Variants in LHFPL3 observed in about 807,000 individuals in gnomAD.
The protein encoded by LHFPL3 is LHFPL tetraspan subfamily member 3.
LHFPL3 carries 5 observed loss-of-function variants against 19.3 expected under a neutral mutation model. The observed-to-expected ratio is 0.26, with a 90% CI of 0.14 to 0.54. The LOEUF is 0.54. Ranked by LOEUF, LHFPL3 falls within the 20% of genes least tolerant of loss-of-function variation. The pLI, the probability that LHFPL3 is intolerant of heterozygous loss-of-function variation, is 0.94. For synonymous variants in LHFPL3, 133 were observed against 126.2 expected (o/e 1.05, Z -0.36); for missense variants, 249 against 307.4 (o/e 0.81, Z 1.42).
chr7:104,682,356 A>G (rs936508718), intron 1 of LHFPL3, among the ~76,000 whole-genome samples: 6 of 152,210 alleles, frequency 3.9e-5, no homozygotes, highest in African/African-American at 1.4e-4. Flanking sequence ...GCAGAATCTC[A>G]GGCCCCACCC....
At chr7:104,462,680 G>A (rs1443615035) in intron 1 of LHFPL3, among the ~76,000 whole-genome samples, 1 of 152,152 alleles carries the variant, frequency 6.6e-6, no homozygotes, top group African/African-American at 2.4e-5. Context: ...GTTCATCAAG[G>A]ATATTGGCCT....
intron 2 of LHFPL3, among the ~76,000 whole-genome samples, chr7:104,843,738 G>C (rs890596929): frequency 2.0e-5 from 3 of 152,160 alleles, no homozygotes; most frequent in African/African-American, 7.2e-5. Flanking sequence ...CCAAAAGAGA[G>C]AAGTAAGAAG....
At chr7:104,438,889 A>G (rs1457407169) in intron 1 of LHFPL3, among the ~76,000 whole-genome samples, 1 of 152,162 alleles carries the variant, frequency 6.6e-6, no homozygotes, top group Non-Finnish European at 1.5e-5. Context: ...TACTACCAAC[A>G]TCACAAAGAA....
intron 1 of LHFPL3, among the ~76,000 whole-genome samples, chr7:104,577,947 G>A (rs1478545037): frequency 6.6e-6 from 1 of 152,132 alleles, no homozygotes. Context: ...ATTTGGATCT[G>A]TTTCTCCACG....
At chr7:104,486,896 C>T (rs1167223548) in intron 1 of LHFPL3, among the ~76,000 whole-genome samples, 5 of 151,960 alleles carry the variant, frequency 3.3e-5, no homozygotes, top group Admixed American at 3.3e-4. Context: ...GAATTTTCCA[C>T]TTTTCTTATT....
intron 1 of LHFPL3, among the ~76,000 whole-genome samples, chr7:104,532,874 A>C (rs73407689): frequency 0.016 from 2,438 of 152,314 alleles, 57 homozygotes; most frequent in African/African-American, 0.056. Flanking sequence ...AGGATCTGCA[A>C]ATCTTATGAG....
intron 1 of LHFPL3, among the ~76,000 whole-genome samples, chr7:104,610,277 C>T (rs1791187533): frequency 6.6e-6 from 1 of 151,950 alleles, no homozygotes. Flanking sequence ...AAAGCAAGGC[C>T]AACCCTTCTT....
intron 1 of LHFPL3, among the ~76,000 whole-genome samples, chr7:104,389,315 G>T (rs1052740059): frequency 6.6e-6 from 1 of 152,056 alleles, no homozygotes; most frequent in Non-Finnish European, 1.5e-5. Context: ...TACATTCAAT[G>T]AAAAGTACAC....
chr7:104,799,928 C>T (rs1215912877), intron 2 of LHFPL3: 1 of 152,936 alleles, frequency 6.5e-6, no homozygotes, highest in Non-Finnish European at 1.5e-5. Flanking sequence ...TCTTCCTACT[C>T]CACAATTATG....
At chr7:104,788,495 C>T (rs1315245606) in intron 2 of LHFPL3, among the ~76,000 whole-genome samples, 1 of 152,204 alleles carries the variant, frequency 6.6e-6, no homozygotes, top group African/African-American at 2.4e-5. Flanking sequence ...TTTGCCCTCA[C>T]ACTGTTGGAA....
chr7:104,746,435 A>G (rs1274636065), intron 2 of LHFPL3, among the ~76,000 whole-genome samples: 3 of 152,206 alleles, frequency 2.0e-5, no homozygotes, highest in Admixed American at 1.3e-4. Flanking sequence ...TTGAGGACCA[A>G]TGAAGTCACT....
intron 2 of LHFPL3, among the ~76,000 whole-genome samples, chr7:104,821,220 G>C (rs528636691): frequency 3.0e-4 from 46 of 152,342 alleles, no homozygotes; most frequent in African/African-American, 1.1e-3. Context: ...AAGTGTCTAT[G>C]AGTGGCGAGG....
chr7:104,617,485 T>C (rs1791368612), intron 1 of LHFPL3, among the ~76,000 whole-genome samples: 1 of 152,226 alleles, frequency 6.6e-6, no homozygotes, highest in Admixed American at 6.5e-5. Context: ...GATAGTGGCA[T>C]CTTACATTAT....
At chr7:104,813,024 G>C (rs1158627749) in intron 2 of LHFPL3, among the ~76,000 whole-genome samples, 1 of 152,044 alleles carries the variant, frequency 6.6e-6, no homozygotes, top group Non-Finnish European at 1.5e-5. Flanking sequence ...TGAGGCAGGA[G>C]AATTGCTTGA....
chr7:104,486,434 C>T (rs1463000487), intron 1 of LHFPL3, among the ~76,000 whole-genome samples: 1 of 152,058 alleles, frequency 6.6e-6, no homozygotes, highest in African/African-American at 2.4e-5. Flanking sequence ...GCTGGGAAAC[C>T]CAGGATCAGA....
intron 1 of LHFPL3, among the ~76,000 whole-genome samples, chr7:104,508,213 T>G (rs956179938): frequency 6.6e-6 from 1 of 152,082 alleles, no homozygotes; most frequent in East Asian, 1.9e-4. Flanking sequence ...CCAACCCAAA[T>G]GTCCAACAAT....
In LHFPL3 at chr7:104,415,916, C is replaced by T. The variant is rs13437875; in HGVS notation, c.445+86692C>T. 8.8e-3 allele frequency among the ~76,000 whole-genome samples: 1,347 copies of T among 152,272 alleles called. 21 individuals are homozygous for T. Among genetic ancestry groups the T allele is most frequent in the African/African-American group, 0.031 (1,269 of 41,544 alleles). ...ACGTCTCACTGCTGCCACCAAGCAG[C>T]AGACATTGCAGCTTGCACTGGACTG... On this transcript the variant is annotated intron_variant, in intron 1 of 2. Coordinates refer to ENST00000424859, the MANE Select transcript of LHFPL3 (RefSeq NM_199000.3).
intron 1 of LHFPL3, among the ~76,000 whole-genome samples, chr7:104,364,372 T>A (rs1790445175): frequency 6.6e-6 from 1 of 152,148 alleles, no homozygotes; most frequent in Non-Finnish European, 1.5e-5. Flanking sequence ...CTAGAGTAAA[T>A]GTAAAAGAAA....
At chr7:104,508,194 C>T (rs1472474442) in intron 1 of LHFPL3, among the ~76,000 whole-genome samples, 1 of 152,018 alleles carries the variant, frequency 6.6e-6, no homozygotes, top group Non-Finnish European at 1.5e-5. Context: ...CGATCGCAAA[C>T]ACTTGGAACC....
Sources: allele counts gnomAD v4.1 joint callset (sites outside exome capture counted in the v4.1 genomes callset), GRCh38; gene constraint gnomAD v4.1.1; transcripts MANE v1.5; gene names NCBI Gene and HGNC (gene_info 2026-07-23, HGNC 2026-07-21).